The following ERBB4 variants were observed in gnomAD, a reference collection of about 807,000 sequenced individuals.
ERBB4 encodes erb-b2 receptor tyrosine kinase 4.
A neutral mutation model predicts 158.0 loss-of-function variants in ERBB4; 42 were observed. The ratio of observed to expected loss-of-function variants is 0.27; its 90% CI spans 0.21 to 0.34. The LOEUF (loss-of-function observed/expected upper bound fraction) is 0.34. Ranked by LOEUF, ERBB4 falls within the 10% of genes least tolerant of loss-of-function variation. The probability of loss-of-function intolerance (pLI) is 1.00; values close to 1 mark genes in which losing one functional copy is unlikely to be tolerated. For missense variants in ERBB4, 1,333 were observed against 1,624.1 expected (o/e 0.82, Z 3.08); for synonymous variants, 583 against 558.7 (o/e 1.04, Z -0.61).
At chr2:211,388,569 TTTG>T (rs1473123795) in intron 25 of ERBB4, among the ~76,000 whole-genome samples, 1 of 151,906 alleles carries the variant, frequency 6.6e-6, no homozygotes, top group African/African-American at 2.4e-5. Context: ...TCACATTTTT[TTTG>T]TTTTTTTTTT....
intron 2 of ERBB4, among the ~76,000 whole-genome samples, chr2:211,980,995 T>C (rs1007515912): frequency 6.6e-6 from 1 of 151,720 alleles, no homozygotes; most frequent in African/African-American, 2.4e-5. Flanking sequence ...CCCCACCATC[T>C]GTATTATAAT....
At chr2:212,264,892 A>G (rs1011629382) in intron 1 of ERBB4, among the ~76,000 whole-genome samples, 6 of 152,162 alleles carry the variant, frequency 3.9e-5, no homozygotes, top group African/African-American at 1.4e-4. Context: ...TGAAATAAAT[A>G]AACTCTGGAT....
intron 1 of ERBB4, among the ~76,000 whole-genome samples, chr2:212,280,461 G>T (rs890055744): frequency 1.3e-5 from 2 of 151,642 alleles, no homozygotes; most frequent in African/African-American, 4.8e-5. Flanking sequence ...GTGATTCATA[G>T]TTTTCCCCAA....
intron 3 of ERBB4, among the ~76,000 whole-genome samples, chr2:211,913,615 A>ATGTGTG (rs572744537): frequency 1.2e-4 from 12 of 102,798 alleles, no homozygotes; most frequent in Admixed American, 8.2e-4. Flanking sequence ...AAATATATAT[A>ATGTGTG]TATATGTGTG....
chr2:212,496,625 A>G (rs1690588742), intron 1 of ERBB4, among the ~76,000 whole-genome samples: 1 of 152,206 alleles, frequency 6.6e-6, no homozygotes. Flanking sequence ...TGTAACATTC[A>G]CGATACATTA....
intron 20 of ERBB4, among the ~76,000 whole-genome samples, chr2:211,489,217 T>C (rs1478182770): frequency 6.6e-6 from 1 of 152,082 alleles, no homozygotes; most frequent in African/African-American, 2.4e-5. Context: ...GTTTCATTAA[T>C]TCTATAATAA....
intron 1 of ERBB4, among the ~76,000 whole-genome samples, chr2:212,215,209 AACAATC>A (rs1189300902): frequency 2.0e-5 from 3 of 151,490 alleles, no homozygotes; most frequent in African/African-American, 7.3e-5. Context: ...TTAGGATTTG[AACAATC>A]TTCTGTCCAT....
chr2:212,468,713 G>C (rs997071984), intron 1 of ERBB4, among the ~76,000 whole-genome samples: 5 of 152,218 alleles, frequency 3.3e-5, no homozygotes, highest in Non-Finnish European at 7.3e-5. Flanking sequence ...TTTCACGAGA[G>C]TGGTAGAACC....
At chr2:211,475,042 A>G (rs1262363100) in intron 20 of ERBB4, among the ~76,000 whole-genome samples, 2 of 152,076 alleles carry the variant, frequency 1.3e-5, no homozygotes. Context: ...ATGACAGGAA[A>G]GACTCATAAT....
intron 1 of ERBB4, among the ~76,000 whole-genome samples, chr2:212,228,732 C>T (rs1224558717): frequency 6.6e-6 from 1 of 152,114 alleles, no homozygotes; most frequent in Non-Finnish European, 1.5e-5. Flanking sequence ...AGTGTGTGTC[C>T]GTATAGCACC....
intron 1 of ERBB4, among the ~76,000 whole-genome samples, chr2:212,438,120 TAATTC>T (rs952521492): frequency 6.6e-6 from 1 of 152,042 alleles, no homozygotes; most frequent in African/African-American, 2.4e-5. Flanking sequence ...CTAGTGCTCA[TAATTC>T]AGATAACATC....
intron 12 of ERBB4, among the ~76,000 whole-genome samples, chr2:211,679,426 C>T (rs909750100): frequency 6.6e-6 from 1 of 152,060 alleles, no homozygotes; most frequent in Non-Finnish European, 1.5e-5. Flanking sequence ...AAGTGAATTG[C>T]CTATATAAAA....
chr2:212,522,686 A>C (rs545192890), intron 1 of ERBB4, among the ~76,000 whole-genome samples: 2 of 152,096 alleles, frequency 1.3e-5, no homozygotes, highest in Admixed American at 6.6e-5. Context: ...TGCCTCCTTA[A>C]AAATAGTAAA....
intron 25 of ERBB4, among the ~76,000 whole-genome samples, chr2:211,390,125 A>G (rs2062770242): frequency 6.6e-6 from 1 of 152,212 alleles, no homozygotes; most frequent in Admixed American, 6.5e-5. Context: ...GCCTGGTGGA[A>G]CTTTACCAAA....
chr2:211,869,036 C>A (rs1349627594), intron 3 of ERBB4, among the ~76,000 whole-genome samples: 1 of 152,124 alleles, frequency 6.6e-6, no homozygotes, highest in Non-Finnish European at 1.5e-5. Flanking sequence ...AACATTTTCT[C>A]TAAGTTAAAG....
chr2:211,602,205 G>A (rs183671399), intron 19 of ERBB4, among the ~76,000 whole-genome samples: 40 of 152,168 alleles, frequency 2.6e-4, no homozygotes, highest in Admixed American at 1.1e-3. Context: ...TGTCCTCTCC[G>A]ACCTTAAAGT....
intron 1 of ERBB4, among the ~76,000 whole-genome samples, chr2:212,205,523 T>C (rs2082720787): frequency 6.6e-6 from 1 of 152,228 alleles, no homozygotes; most frequent in African/African-American, 2.4e-5. Flanking sequence ...AAAATTATAC[T>C]TTAAAAAATA....
At position 212,536,279 on chromosome 2, in the gene ERBB4, G is replaced by T. The variant is rs941385983; in HGVS notation, c.82+2170C>A. 4.9e-4 allele frequency among the ~76,000 whole-genome samples: 75 copies of T among 151,776 alleles called. 3 individuals carry two copies. ...TTATAATAGCACTGCATTAAAACCA[G>T]CTGAACTTTCCCTGCCAGGTGCGGC... On this transcript the variant is annotated intron_variant, in intron 1 of 27. Transcript: ENST00000342788.
At chr2:212,139,584 A>G (rs1395986189) in intron 1 of ERBB4, among the ~76,000 whole-genome samples, 1 of 151,964 alleles carries the variant, frequency 6.6e-6, no homozygotes, top group Non-Finnish European at 1.5e-5. Flanking sequence ...GACTAGTAAC[A>G]AGAAAAAATT....
Sources: gnomAD v4.1 joint callset for allele counts (sites outside exome capture counted in the v4.1 genomes callset) on GRCh38, gnomAD v4.1.1 for gene constraint, MANE v1.5 for transcripts, NCBI Gene and HGNC (gene_info 2026-07-23, HGNC 2026-07-21) for gene names.